XKR6: variants seen among roughly 807,000 people sequenced by gnomAD.
XKR6 encodes the protein XK related 6, also known as XK-related protein 6.
Under a neutral mutation model 56.7 loss-of-function variants are expected in XKR6, and 22 were observed. The ratio of observed to expected loss-of-function variants is 0.39; its 90% CI spans 0.28 to 0.55. XKR6 has a LOEUF of 0.55. Among genes scored for constraint, XKR6 ranks in the 20% least tolerant of loss-of-function variants. XKR6 has a pLI of 0.66. For synonymous variants in XKR6, 524 were observed against 387.8 expected, an observed-to-expected ratio of 1.35 and a Z score of -4.13; for missense variants, 852 against 889.0, an observed-to-expected ratio of 0.96 and a Z score of 0.53.
chr8:11,124,489 G>A (rs1799656229), intron 1 of XKR6: 1 of 162,046 alleles, frequency 6.2e-6, no homozygotes, highest in African/African-American at 2.4e-5. Flanking sequence ...GGGCTCCATA[G>A]AATTAGAATA....
intron 1 of XKR6, among the ~76,000 whole-genome samples, chr8:11,057,220 T>C (rs1386144838): frequency 6.6e-6 from 1 of 152,206 alleles, no homozygotes; most frequent in Non-Finnish European, 1.5e-5. Context: ...GGAGCCCCCC[T>C]ACTCCACACT....
At chr8:11,029,981 C>A (rs1420053197) in intron 1 of XKR6, among the ~76,000 whole-genome samples, 1 of 152,186 alleles carries the variant, frequency 6.6e-6, no homozygotes, top group East Asian at 1.9e-4. Flanking sequence ...ACACACAAAT[C>A]TGCAACAGCA....
intron 2 of XKR6, among the ~76,000 whole-genome samples, chr8:10,918,617 T>C (rs942081148): frequency 6.6e-6 from 1 of 152,204 alleles, no homozygotes; most frequent in Non-Finnish European, 1.5e-5. Context: ...ACTCTCCAGG[T>C]AGAGATCCCA....
intron 1 of XKR6, among the ~76,000 whole-genome samples, chr8:11,063,935 C>T (rs555829246): frequency 3.3e-5 from 5 of 152,292 alleles, no homozygotes; most frequent in South Asian, 4.2e-4. Flanking sequence ...AATAATTTCC[C>T]TCAATCTTCT....
intron 1 of XKR6, among the ~76,000 whole-genome samples, chr8:11,028,958 C>T (rs1306841307): frequency 6.6e-6 from 1 of 152,156 alleles, no homozygotes; most frequent in Non-Finnish European, 1.5e-5. Flanking sequence ...TGGTACCTGT[C>T]TCTCCATCTT....
chr8:11,082,442 C>T (rs1333105452), intron 1 of XKR6, among the ~76,000 whole-genome samples: 1 of 152,252 alleles, frequency 6.6e-6, no homozygotes, highest in South Asian at 2.1e-4. Flanking sequence ...GGCAGCTTCA[C>T]CGGGCAAACA....
intron 1 of XKR6, among the ~76,000 whole-genome samples, chr8:10,982,304 G>C (rs774644647): frequency 6.6e-6 from 1 of 152,188 alleles, no homozygotes; most frequent in African/African-American, 2.4e-5. Flanking sequence ...GGTTTCTCAA[G>C]AAAGAAGGAA....
intron 1 of XKR6, among the ~76,000 whole-genome samples, chr8:11,199,621 G>C (rs1231491049): frequency 1.3e-5 from 2 of 152,174 alleles, no homozygotes; most frequent in Admixed American, 6.5e-5. Flanking sequence ...AAGTAAGAGG[G>C]CACAGATGTA....
chr8:10,920,394 A>G (rs1209465353), intron 2 of XKR6, among the ~76,000 whole-genome samples: 1 of 152,234 alleles, frequency 6.6e-6, no homozygotes, highest in Non-Finnish European at 1.5e-5. Context: ...AGAAATGAGA[A>G]AAATGAGGAA....
chr8:10,908,566 C>T (rs1280328212), intron 2 of XKR6, among the ~76,000 whole-genome samples: 1 of 152,122 alleles, frequency 6.6e-6, no homozygotes, highest in Admixed American at 6.5e-5. Context: ...GCCTGGAATG[C>T]TCTTCTTCCA....
intron 1 of XKR6, among the ~76,000 whole-genome samples, chr8:11,035,719 C>T (rs975338227): frequency 2.0e-5 from 3 of 152,122 alleles, no homozygotes; most frequent in African/African-American, 7.2e-5. Context: ...CACACATTTT[C>T]AGATCCATCA....
At chr8:11,067,302 C>G (rs183077782) in intron 1 of XKR6, among the ~76,000 whole-genome samples, 7 of 152,166 alleles carry the variant, frequency 4.6e-5, no homozygotes, top group African/African-American at 1.7e-4. Flanking sequence ...CTTGCATCCT[C>G]TGTGGATTCC....
chr8:10,940,303 C>A (rs913111475), intron 1 of XKR6, among the ~76,000 whole-genome samples: 2 of 152,226 alleles, frequency 1.3e-5, no homozygotes, highest in African/African-American at 4.8e-5. Flanking sequence ...ACTTAGCTTT[C>A]CTCCTTGGTC....
At chr8:11,036,478 G>A (rs775822667) in intron 1 of XKR6, among the ~76,000 whole-genome samples, 1 of 152,214 alleles carries the variant, frequency 6.6e-6, no homozygotes, top group Non-Finnish European at 1.5e-5. Flanking sequence ...ATCAATGGGA[G>A]CTTGTTAGGA....
chr8:11,200,291 G>C lies in XKR6; in HGVS notation c.764+285C>G, dbSNP rs542740241. ...GGGAAAAGGGACGCTTGGGAACGGAGCTCTGCAGAGGGGACGGGGAGGGCA... is the reference window on the plus strand; with the variant it reads ...GGGAAAAGGGACGCTTGGGAACGGACCTCTGCAGAGGGGACGGGGAGGGCA... On this transcript the variant is annotated intron_variant, in intron 1 of 2. Coordinates refer to ENST00000416569, the MANE Select transcript of XKR6 (RefSeq NM_173683.4). The surrounding 1 kb of genome is among the most constrained non-coding windows in gnomAD (Gnocchi z 6.4). 1.1e-3 allele frequency among the ~76,000 whole-genome samples: 164 copies of C among 152,354 alleles called. No homozygotes were observed. The highest frequency in any genetic ancestry group is 3.8e-3 in the African/African-American group (156 of 41,590).
intron 2 of XKR6, among the ~76,000 whole-genome samples, chr8:10,907,012 C>A (rs1800205144): frequency 6.6e-6 from 1 of 151,724 alleles, no homozygotes; most frequent in Admixed American, 6.6e-5. Flanking sequence ...CACACCACTG[C>A]ACTCCAGCCT....
At chr8:11,162,497 A>T (rs1801862827) in intron 1 of XKR6, among the ~76,000 whole-genome samples, 1 of 152,258 alleles carries the variant, frequency 6.6e-6, no homozygotes, top group African/African-American at 2.4e-5. Flanking sequence ...CTCTTTTTTA[A>T]TTATAATCAA....
chr8:10,968,297 C>T (rs1469858580), intron 1 of XKR6, among the ~76,000 whole-genome samples: 1 of 152,264 alleles, frequency 6.6e-6, no homozygotes, highest in East Asian at 1.9e-4. Context: ...GCAGATTGGA[C>T]TCGGCTCACC....
At chr8:11,011,499 T>G (rs938705706) in intron 1 of XKR6, among the ~76,000 whole-genome samples, 1 of 152,246 alleles carries the variant, frequency 6.6e-6, no homozygotes, top group Non-Finnish European at 1.5e-5. Context: ...AACAAATATT[T>G]ACAGAGTTTC....
Sources: allele counts gnomAD v4.1 joint callset (sites outside exome capture counted in the v4.1 genomes callset), GRCh38; gene constraint gnomAD v4.1.1; non-coding constraint Gnocchi (gnomAD v3.1); transcripts MANE v1.5; gene names NCBI Gene and HGNC (gene_info 2026-07-23, HGNC 2026-07-21).